The following CPS1 variants were observed in gnomAD, a reference collection of about 807,000 sequenced individuals.
The protein encoded by CPS1 is carbamoyl-phosphate synthase [ammonia], mitochondrial.
A neutral mutation model predicts 174.6 loss-of-function variants in CPS1; 109 were observed. That is an observed-to-expected ratio of 0.62 (90% CI 0.53 to 0.73). The LOEUF (loss-of-function observed/expected upper bound fraction) is 0.73. Among genes scored for constraint, CPS1 ranks in the 30% least tolerant of loss-of-function variants. The pLI, the probability that CPS1 is intolerant of heterozygous loss-of-function variation, is 0.00. For missense variants in CPS1, 1,689 were observed against 1,821.9 expected, an observed-to-expected ratio of 0.93 and a Z score of 1.33; for synonymous variants, 637 against 632.0, an observed-to-expected ratio of 1.01 and a Z score of -0.12.
At chr2:210,648,593 G>C in intron 27 of CPS1, 53 bp downstream of exon 27, 1 of 1,373,808 alleles carries the variant, frequency 7.3e-7, no homozygotes, top group South Asian at 1.2e-5. Context: ...GGGAGATACA[G>C]AAATGCATGC....
chr2:210,583,184 C>A (rs1697986770), intron 6 of CPS1, among the ~76,000 whole-genome samples: 1 of 152,114 alleles, frequency 6.6e-6, no homozygotes, highest in Non-Finnish European at 1.5e-5. Flanking sequence ...AGCTTTGTTT[C>A]AAAATTAATG....
upstream of CPS1, among the ~76,000 whole-genome samples, chr2:210,552,262 G>T (rs1002674954): frequency 6.6e-6 from 1 of 151,722 alleles, no homozygotes; most frequent in Admixed American, 6.6e-5. Context: ...TTCAAAAATA[G>T]ACTTTATAGA....
chr2:210,556,294 T>C (rs1313980761), upstream of CPS1: 1 of 456,142 alleles, frequency 2.2e-6, no homozygotes, highest in East Asian at 6.9e-5. Flanking sequence ...ATGAGGCATA[T>C]TAGGTATCAC....
At chr2:210,604,671 G>A (rs984647039) in intron 16 of CPS1, among the ~76,000 whole-genome samples, 4 of 151,772 alleles carry the variant, frequency 2.6e-5, no homozygotes, top group Non-Finnish European at 1.5e-5. Context: ...CTTTTATTGT[G>A]TGTGTCACTG....
intron 1 of CPS1, among the ~76,000 whole-genome samples, chr2:210,539,356 C>A (rs1696341928): frequency 6.6e-6 from 1 of 152,086 alleles, no homozygotes; most frequent in South Asian, 2.1e-4. Flanking sequence ...TTGTAATAAT[C>A]TCTATTGATT....
chr2:210,583,609 G>C (rs1376500542), intron 6 of CPS1, among the ~76,000 whole-genome samples: 1 of 152,104 alleles, frequency 6.6e-6, no homozygotes, highest in African/African-American at 2.4e-5. Context: ...CTTGCCAAGA[G>C]GCATAGAGGT....
chr2:210,623,563 A>G (rs1699606494), intron 21 of CPS1, among the ~76,000 whole-genome samples: 1 of 152,118 alleles, frequency 6.6e-6, no homozygotes, highest in South Asian at 2.1e-4. Context: ...ACTATGTTCA[A>G]TGTGATAAAC....
rs371978753 is a variant in CPS1 at position 210,623,194 on chromosome 2, C to A, written c.2687+6653C>A. Among the ~76,000 whole-genome samples the A allele has an allele frequency of 6.6e-5, 10 of 152,154 alleles. No individual in the cohort carries two copies. In the East Asian group the frequency reaches 1.9e-3, roughly 29 times the overall value. On this transcript the variant is annotated intron_variant, in intron 21 of 37. Coordinates refer to ENST00000233072, the MANE Select transcript of CPS1 (RefSeq NM_001875.5). ...TGCTCTCTTGTTTTTATGTACAATG[C>A]CGCTATTTATGTTAGCAATGTTGTA... is the stretch of plus-strand genomic sequence containing the variant.
chr2:210,499,988 G>A (rs186313608), intron 1 of CPS1, among the ~76,000 whole-genome samples: 1 of 152,246 alleles, frequency 6.6e-6, no homozygotes, highest in East Asian at 1.9e-4. Flanking sequence ...GTTATCCACG[G>A]TTTTTAGGGG....
At position 210,602,211 on chromosome 2, in the gene CPS1, G is replaced by A; in HGVS notation, c.1717G>A (p.Ala573Thr). The change falls in exon 16 of 38, where the codon GCA becomes ACA. Residue 573 changes from alanine (A) to threonine (T), a missense_variant. By Grantham distance (58) the Ala-to-Thr change is moderately conservative. Transcript: ENST00000233072. The stretch of plus-strand genomic sequence containing the variant: ...TTGTTCTTGTTGACAGATTGAGGAT[G>A]CACTGAAGGCAGCAGACACCATTGG... ...PSFAVESIEDALKAADTIGYP... is the reference protein window; with the variant it reads ...PSFAVESIEDTLKAADTIGYP... 3 of 1,612,310 alleles carry A rather than the reference G, an allele frequency of 1.9e-6. No individual in the cohort carries two copies. In the South Asian group the frequency reaches 3.3e-5, roughly 18 times the overall value.
intron 1 of CPS1, among the ~76,000 whole-genome samples, chr2:210,479,013 C>A (rs1694491111): frequency 1.3e-5 from 2 of 150,060 alleles, no homozygotes; most frequent in African/African-American, 4.9e-5. Context: ...GAGAATCCCT[C>A]CTTGGTTCTG....
At chr2:210,513,298 A>C (rs1695581628) in intron 1 of CPS1, among the ~76,000 whole-genome samples, 1 of 151,428 alleles carries the variant, frequency 6.6e-6, no homozygotes, top group African/African-American at 2.4e-5. Flanking sequence ...TCCCTTCAAC[A>C]GTGTATAAGC....
At chr2:210,564,835 A>G (rs1697247811) in intron 1 of CPS1, among the ~76,000 whole-genome samples, 1 of 151,998 alleles carries the variant, frequency 6.6e-6, no homozygotes, top group South Asian at 2.1e-4. Flanking sequence ...TCTACTAAAA[A>G]TACAAAATTA....
At chr2:210,529,750 T>C (rs1466958262) in intron 1 of CPS1, among the ~76,000 whole-genome samples, 1 of 151,968 alleles carries the variant, frequency 6.6e-6, no homozygotes, top group Non-Finnish European at 1.5e-5. Context: ...GTGACCTTAT[T>C]GTGGAGATGG....
intron 24 of CPS1, 36 bp from the exon 25 acceptor site, chr2:210,642,448 C>G: frequency 6.2e-7 from 1 of 1,612,842 alleles, no homozygotes; most frequent in African/African-American, 1.3e-5. Context: ...CTTCGTGCTT[C>G]TCTTATCCCT....
At position 210,656,551 on chromosome 2, in the gene CPS1, T is replaced by C. The variant is rs1484249428; in HGVS notation, c.3585T>C (p.His1195=). The change falls in exon 30 of 38, where the codon CAT becomes CAC. Residue 1195 remains histidine, a synonymous_variant. Coordinates refer to ENST00000233072, the MANE Select transcript of CPS1 (RefSeq NM_001875.5). The part of the protein sequence containing the change: ...GRVISHAISE[H]VEDAGVHSGD... ...TTATCTCTCATGCCATCTCTGAACA[T>C]GTTGAAGATGCAGGTGTCCACTCGG... 6.2e-7 allele frequency: 1 copy of C among 1,609,704 alleles called. No homozygotes were observed. The highest frequency in any genetic ancestry group is 2.2e-5 in the East Asian group (1 of 44,746).
chr2:210,597,335 G>A (rs926376108), intron 13 of CPS1, among the ~76,000 whole-genome samples: 3 of 151,778 alleles, frequency 2.0e-5, no homozygotes, highest in Admixed American at 2.0e-4. Context: ...CATAGGATTT[G>A]AATCATAACA....
At position 210,650,439 on chromosome 2, in the gene CPS1, G is replaced by A; in HGVS notation, c.3480+1G>A. 1.9e-6 allele frequency: 3 copies of A among 1,605,240 alleles called. No homozygotes were observed. Among genetic ancestry groups the A allele is most frequent in the Non-Finnish European group, 2.6e-6 (3 of 1,172,086 alleles). Reference sequence around the variant, plus strand: ...AGAAGAGGCGACTAGAGTTTCTCAGGTAGTGTCCAATTTCTTTGTAGTGAC... The same window carrying A: ...AGAAGAGGCGACTAGAGTTTCTCAGATAGTGTCCAATTTCTTTGTAGTGAC... On this transcript the variant is annotated splice_donor_variant, in intron 28 of 37. Transcript: ENST00000233072. LOFTEE classifies it high-confidence loss of function.
chr2:210,605,851 T>C (rs1698889225), intron 17 of CPS1, among the ~76,000 whole-genome samples: 1 of 151,792 alleles, frequency 6.6e-6, no homozygotes, highest in Non-Finnish European at 1.5e-5. Flanking sequence ...TTCAAGGACA[T>C]AGGTATAGAA....
Sources: allele counts gnomAD v4.1 joint callset (sites outside exome capture counted in the v4.1 genomes callset), GRCh38; gene constraint gnomAD v4.1.1; transcripts MANE v1.5; gene names NCBI Gene and HGNC (gene_info 2026-07-23, HGNC 2026-07-21).